The following GNE variants were observed in gnomAD, a reference collection of about 807,000 sequenced individuals.
The protein encoded by GNE is glucosamine (UDP-N-acetyl)-2-epimerase/N-acetylmannosamine kinase.
A neutral mutation model predicts 61.8 loss-of-function variants in GNE; 41 were observed. The observed-to-expected ratio is 0.66, with a 90% CI of 0.52 to 0.86. The LOEUF is 0.86. Among genes scored for constraint, GNE ranks in the 40% least tolerant of loss-of-function variants. The probability of loss-of-function intolerance (pLI) is 0.00; values close to 1 mark genes in which losing one functional copy is unlikely to be tolerated. For synonymous variants in GNE, 264 were observed against 326.4 expected, an observed-to-expected ratio of 0.81 and a Z score of 2.06; for missense variants, 608 against 909.1, an observed-to-expected ratio of 0.67 and a Z score of 4.26.
chr9:36,219,126 G>A (rs1243169446), intron 10 of GNE, among the ~76,000 whole-genome samples: 4 of 152,078 alleles, frequency 2.6e-5, no homozygotes, highest in Middle Eastern at 3.2e-3. Context: ...CTCTGACTGC[G>A]CTTTTCTATA....
At position 36,215,296 on chromosome 9, in the gene GNE, CAG is replaced by C. The variant is rs1416726122; in HGVS notation, c.*2067_*2068del. 1 of 152,196 alleles carries C rather than the reference CAG, an allele frequency of 6.6e-6. No individual in the cohort carries two copies. The highest frequency in any genetic ancestry group is 6.5e-5 in the Admixed American group (1 of 15,286). 9.4% of individuals were successfully genotyped at this position (152,196 alleles called of 1,614,324 possible). ...AGCCACTGCACTCCAGCCTGGGTGACAGAGTGAGACCCGTCTCAAAAAAATAG... is the reference window on the plus strand; with the variant it reads ...AGCCACTGCACTCCAGCCTGGGTGACAGTGAGACCCGTCTCAAAAAAATAG... On this transcript the variant is annotated 3_prime_UTR_variant, in exon 12 of 12. Coordinates refer to ENST00000642385, the MANE Select transcript of GNE (RefSeq NM_005476.7).
At chr9:36,232,431 G>GA (rs751097715) in intron 5 of GNE, among the ~76,000 whole-genome samples, 1 of 148,588 alleles carries the variant, frequency 6.7e-6, no homozygotes, top group East Asian at 2.0e-4. Flanking sequence ...ATTACACTTA[G>GA]AAAAAATTCC....
At chr9:36,244,164 A>C (rs1037436772) in intron 3 of GNE, among the ~76,000 whole-genome samples, 1 of 151,982 alleles carries the variant, frequency 6.6e-6, no homozygotes, top group African/African-American at 2.4e-5. Context: ...GCGTCTTGCT[A>C]TGTTGCCCAG....
chr9:36,274,799 T>G (rs1292953639), intron 1 of GNE, among the ~76,000 whole-genome samples: 1 of 151,722 alleles, frequency 6.6e-6, no homozygotes, highest in Non-Finnish European at 1.5e-5. Flanking sequence ...CTCTGTTCAC[T>G]GCAAGCTCCG....
intron 1 of GNE, among the ~76,000 whole-genome samples, chr9:36,253,935 G>A (rs1011047926): frequency 4.6e-5 from 7 of 152,096 alleles, no homozygotes; most frequent in Admixed American, 1.3e-4. Context: ...CACTGAGGAG[G>A]CTGTGGCAGG....
intron 1 of GNE, chr9:36,267,816 G>C (rs1165002851): frequency 2.0e-5 from 3 of 151,784 alleles, no homozygotes; most frequent in African/African-American, 7.3e-5. Context: ...TAGCCAATGA[G>C]GTTTATCCAA....
At position 36,217,319 on chromosome 9, in the gene GNE, C is replaced by T. The variant is rs1249471065; in HGVS notation, c.*46G>A. 1 of 1,257,598 alleles carries T rather than the reference C, an allele frequency of 8.0e-7. No individual in the cohort carries two copies. Among genetic ancestry groups the T allele is most frequent in the African/African-American group, 1.5e-5 (1 of 68,176 alleles). The allele number at this position is 1,257,598 out of a possible 1,614,324, so 77.9% of individuals were successfully genotyped here. ...TCATCCTAAAGACAAGAACTTGATT[C>T]CACTCAGGAGCTCTGGAGAGAAGGT... On this transcript the variant is annotated 3_prime_UTR_variant, in exon 12 of 12. Transcript: ENST00000642385.
intron 3 of GNE, among the ~76,000 whole-genome samples, chr9:36,244,503 C>G (rs1282362588): frequency 6.6e-6 from 1 of 152,094 alleles, no homozygotes; most frequent in Admixed American, 6.6e-5. Flanking sequence ...GGCTTATTTA[C>G]AAAGATATAC....
intron 1 of GNE, among the ~76,000 whole-genome samples, chr9:36,252,815 C>A (rs1830162127): frequency 1.3e-5 from 1 of 77,100 alleles, no homozygotes; most frequent in South Asian, 3.5e-4. Flanking sequence ...CTAGCTAGTT[C>A]TTTTCCCTGG....
intron 2 of GNE, among the ~76,000 whole-genome samples, chr9:36,247,454 G>A (rs1002362972): frequency 3.3e-5 from 5 of 152,136 alleles, no homozygotes; most frequent in African/African-American, 1.2e-4. Context: ...AATTTCTTGT[G>A]TTAGAATGTA....
intron 1 of GNE, among the ~76,000 whole-genome samples, chr9:36,274,849 C>T (rs1247704855): frequency 6.6e-6 from 1 of 151,604 alleles, no homozygotes; most frequent in Non-Finnish European, 1.5e-5. Flanking sequence ...CAGCCTCCCG[C>T]GTAGCTGGGA....
intron 1 of GNE, among the ~76,000 whole-genome samples, chr9:36,250,110 TG>T (rs1188604285): frequency 6.6e-6 from 1 of 152,150 alleles, no homozygotes; most frequent in Non-Finnish European, 1.5e-5. Context: ...TGAGAACCAC[TG>T]ATCTAGTTCA....
chr9:36,239,680 C>T (rs539103295), intron 3 of GNE, among the ~76,000 whole-genome samples: 102 of 151,984 alleles, frequency 6.7e-4, no homozygotes, highest in Non-Finnish European at 1.2e-3. Flanking sequence ...ACCATGTTGG[C>T]CAGGCTAGTC....
chr9:36,238,145 C>CACACACACAT (rs1554661823), intron 3 of GNE, among the ~76,000 whole-genome samples: 9 of 149,258 alleles, frequency 6.0e-5, no homozygotes, highest in Non-Finnish European at 1.2e-4. Flanking sequence ...CACACACACA[C>CACACACACAT]ATATATATAC....
chr9:36,265,280 CTTGGAA>C, intron 1 of GNE: 1 of 420,224 alleles, frequency 2.4e-6, no homozygotes, highest in Admixed American at 2.5e-5. Context: ...GATTCCATTC[CTTGGAA>C]TCCGTGGGGC....
chr9:36,263,832 G>T (rs1202816615), intron 1 of GNE, among the ~76,000 whole-genome samples: 1 of 152,158 alleles, frequency 6.6e-6, no homozygotes, highest in African/African-American at 2.4e-5. Flanking sequence ...GCCTATTCAT[G>T]ACCCATGAAA....
chr9:36,274,904 T>G (rs1831204523), intron 1 of GNE, among the ~76,000 whole-genome samples: 1 of 152,158 alleles, frequency 6.6e-6, no homozygotes, highest in African/African-American at 2.4e-5. Flanking sequence ...TTTTGTATTT[T>G]TAGTAGAGAC....
In GNE at chr9:36,218,317, G is replaced by C; in HGVS notation, c.1817-18C>G. 6.3e-7 allele frequency: 1 copy of C among 1,580,552 alleles called. No homozygotes were observed. The highest frequency in any genetic ancestry group is 8.7e-7 in the Non-Finnish European group (1 of 1,149,390). On this transcript the variant is annotated intron_variant, in intron 10 of 11. Transcript: ENST00000642385. The surrounding 1 kb of genome is among the most constrained non-coding windows in gnomAD (Gnocchi z 4.1). ...CAGGTCCTCTGAACAGAGTGAGAAG[G>C]AAAAGCAGTCACTAATGAGCTGTGG...
At chr9:36,264,343 C>T (rs542583016) in intron 1 of GNE, among the ~76,000 whole-genome samples, 2 of 152,098 alleles carry the variant, frequency 1.3e-5, no homozygotes, top group South Asian at 4.2e-4. Context: ...GTCATGTTGC[C>T]AGGATGGTCT....
Sources: allele counts gnomAD v4.1 joint callset (sites outside exome capture counted in the v4.1 genomes callset), GRCh38; gene constraint gnomAD v4.1.1; non-coding constraint Gnocchi (gnomAD v3.1); transcripts MANE v1.5; gene names NCBI Gene and HGNC (gene_info 2026-07-23, HGNC 2026-07-21).